Variants in SAMD15 observed in about 807,000 individuals in gnomAD.
The protein encoded by SAMD15 is sterile alpha motif domain containing 15.
In SAMD15, 37 loss-of-function variants were observed where a neutral mutation model predicts 50.5. The observed-to-expected ratio is 0.73, with a 90% CI of 0.56 to 0.96. The LOEUF is 0.96. Among genes scored for constraint, SAMD15 ranks in the 40% least tolerant of loss-of-function variants. SAMD15 has a pLI of 0.00. For synonymous variants in SAMD15, 255 were observed against 282.8 expected, an observed-to-expected ratio of 0.90 and a Z score of 0.99; for missense variants, 789 against 783.8, an observed-to-expected ratio of 1.01 and a Z score of -0.08.
chr14:77,380,739 T>C (rs1566700495), intron 2 of SAMD15, among the ~76,000 whole-genome samples: 1 of 152,316 alleles, frequency 6.6e-6, no homozygotes, highest in East Asian at 1.9e-4. Context: ...TATGGCCTCA[T>C]GCCTAGAACA....
At chr14:77,389,496 ATTTTT>A (rs768983521) in intron 2 of SAMD15, among the ~76,000 whole-genome samples, 4 of 111,652 alleles carry the variant, frequency 3.6e-5, no homozygotes, top group Non-Finnish European at 7.0e-5. Flanking sequence ...GGCAATCACA[ATTTTT>A]TTTTTTTTTT....
chr14:77,377,680 G>T lies in SAMD15; in HGVS notation c.262G>T (p.Ala88Ser), dbSNP rs1566698992. The change falls in exon 1 of 3, where the codon GCC becomes TCC. Residue 88 changes from alanine to serine, a missense_variant. Physicochemically the swap from Ala to Ser is moderately conservative, Grantham distance 99. Transcript: ENST00000216471. The part of the protein sequence containing the change: ...KPGGTSQEGI[A>S]KESKRDVPSE... ...TGGCGGGACGTCCCAGGAAGGAATT[G>T]CCAAGGAGTCCAAGAGAGACGTACC... 1.2e-6 allele frequency: 2 copies of T among 1,614,080 alleles called. No individual in the cohort carries two copies. The highest frequency in any genetic ancestry group is 1.7e-6 in the Non-Finnish European group (2 of 1,180,050).
chr14:77,380,188 A>G (rs953844820), intron 1 of SAMD15, among the ~76,000 whole-genome samples, 195 bp from the exon 2 acceptor site: 1 of 152,230 alleles, frequency 6.6e-6, no homozygotes, highest in Non-Finnish European at 1.5e-5. Flanking sequence ...TCGAGGCTGC[A>G]GTGATCTATG....
chr14:77,391,059 A>G lies in SAMD15; in HGVS notation c.1840A>G (p.Lys614Glu), dbSNP rs145050832. 6 of 1,613,986 alleles carry G rather than the reference A, an allele frequency of 3.7e-6. No homozygotes were observed. The African/African-American group carries it at 8.0e-5, about 22-fold the overall frequency. ...CCTGGAAATTGAAGAGCCATTATTC[A>G]AACGCTCCATCAGCCTTCCCTATAG... The part of the protein sequence containing the change: ...ELLEIEEPLF[K>E]RSISLPYRDI... The change falls in exon 3 of 3, where the codon AAA becomes GAA. Residue 614 changes from lysine (K) to glutamate (E), a missense_variant. By Grantham distance (56) the Lys-to-Glu change is moderately conservative (BLOSUM62 1). Around this residue, in one of 2 missense-constraint regions of SAMD15, gnomAD observed 770 missense variants for 745.4 expected, o/e 1.03. Transcript: ENST00000216471.
chr14:77,384,049 A>G (rs1217138222), intron 2 of SAMD15, among the ~76,000 whole-genome samples: 3 of 151,696 alleles, frequency 2.0e-5, no homozygotes, highest in Admixed American at 6.6e-5. Flanking sequence ...GAGGTCATAC[A>G]TGCTGTAGCT....
intron 2 of SAMD15, among the ~76,000 whole-genome samples, chr14:77,388,073 G>A (rs1228746009): frequency 1.3e-5 from 2 of 152,066 alleles, no homozygotes; most frequent in Non-Finnish European, 2.9e-5. Context: ...GAATGTGTAG[G>A]GAACACTTTT....
intron 2 of SAMD15, among the ~76,000 whole-genome samples, chr14:77,386,279 C>T (rs4903581): frequency 6.6e-6 from 1 of 152,072 alleles, no homozygotes; most frequent in African/African-American, 2.4e-5. Context: ...CAGAACAATT[C>T]TGTCACTCTA....
At position 77,378,726 on chromosome 14, in the gene SAMD15, C is replaced by T. The variant is rs766848681; in HGVS notation, c.1308C>T (p.Asn436=). 8 of 1,613,018 alleles carry T rather than the reference C, an allele frequency of 5.0e-6. No homozygotes were observed. Among genetic ancestry groups the T allele is most frequent in the Non-Finnish European group, 4.2e-6 (5 of 1,179,798 alleles). The part of the protein sequence containing the change: ...EPIKSKYSVG[N]DELEHREPKR... The stretch of plus-strand genomic sequence containing the variant: ...TAAAGTCTAAGTATTCTGTAGGAAA[C>T]GATGAGCTAGAGCACCGTGAGCCTA... Residue 436 remains asparagine, a synonymous_variant, in exon 1 of 3, where the codon AAC becomes AAT. Coordinates refer to ENST00000216471, the MANE Select transcript of SAMD15 (RefSeq NM_001010860.4).
intron 2 of SAMD15, among the ~76,000 whole-genome samples, chr14:77,383,220 A>C (rs906811133): frequency 6.6e-6 from 1 of 152,208 alleles, no homozygotes; most frequent in African/African-American, 2.4e-5. Flanking sequence ...TGACTTTCTT[A>C]ATAAACTTGC....
chr14:77,386,196 A>G (rs1231992664), intron 2 of SAMD15, among the ~76,000 whole-genome samples: 1 of 152,118 alleles, frequency 6.6e-6, no homozygotes, highest in Non-Finnish European at 1.5e-5. Flanking sequence ...CAGTAAAACC[A>G]TTCTTTGTTG....
chr14:77,386,580 T>C (rs1303448384), intron 2 of SAMD15, among the ~76,000 whole-genome samples: 1 of 152,072 alleles, frequency 6.6e-6, no homozygotes, highest in African/African-American at 2.4e-5. Context: ...AGTTTGAGGC[T>C]GCAGTGAGCT....
intron 2 of SAMD15, among the ~76,000 whole-genome samples, chr14:77,383,902 G>C (rs928272524): frequency 6.7e-6 from 1 of 150,226 alleles, no homozygotes; most frequent in African/African-American, 2.5e-5. Context: ...CCTGGGAGGC[G>C]GAGGTTATAG....
At chr14:77,384,411 C>A (rs146951056) in intron 2 of SAMD15, among the ~76,000 whole-genome samples, 7 of 152,040 alleles carry the variant, frequency 4.6e-5, no homozygotes, top group African/African-American at 1.7e-4. Context: ...ATTTAATTGT[C>A]CCCTTTCTCC....
Position 77,378,236 on chromosome 14 carries a change from G to C in SAMD15, c.818G>C (p.Ser273Thr). The change falls in exon 1 of 3, where the codon AGT becomes ACT. Residue 273 changes from serine to threonine, a missense_variant. This residue lies in a region of SAMD15 where 770 missense variants were observed against 745.4 expected (regional missense o/e 1.03). Transcript: ENST00000216471. ...EFLEKEPRKSSEEAGLEPPEE... is the reference protein window; with the variant it reads ...EFLEKEPRKSTEEAGLEPPEE... ...CTGGAGAAGGAACCAAGAAAGTCTA[G>C]TGAGGAGGCAGGTCTAGAGCCTCCA... is the stretch of plus-strand genomic sequence containing the variant. 2 of 1,613,934 alleles carry C rather than the reference G, an allele frequency of 1.2e-6. No homozygotes were observed. Among genetic ancestry groups the C allele is most frequent in the Non-Finnish European group, 1.7e-6 (2 of 1,179,956 alleles).
rs371567591 is a variant in SAMD15, at chr14:77,378,831, AAT to A, written c.1414_1415del (p.Ile472TrpfsTer5). On this transcript the variant is annotated frameshift_variant, in exon 1 of 3. Coordinates refer to ENST00000216471, the MANE Select transcript of SAMD15 (RefSeq NM_001010860.4). LOFTEE classifies it high-confidence loss of function. The part of the protein sequence containing the change: ...LGSLRESEES[I>X]GTHYEFLQPL... ...GATCTCTCAGAGAAAGTGAAGAATC[AAT>A]TGGTACACATTATGAGTTTTTGCAA... is the stretch of plus-strand genomic sequence containing the variant. 6.2e-7 allele frequency: 1 copy of A among 1,613,896 alleles called. No homozygotes were observed. Among genetic ancestry groups the A allele is most frequent in the African/African-American group, 1.3e-5 (1 of 75,048 alleles).
chr14:77,377,578 G>C lies in SAMD15; in HGVS notation c.160G>C (p.Glu54Gln). The C allele has an allele frequency of 6.2e-7, 1 of 1,614,126 alleles. No homozygotes were observed. The highest frequency in any genetic ancestry group is 1.1e-5 in the South Asian group (1 of 91,086). ...DSKLPAEIYQ[E>Q]PQPETEEEDF... is the part of the protein sequence containing the mutation. ...GAAGCTACCAGCAGAGATTTACCAA[G>C]AGCCACAGCCAGAGACCGAGGAAGA... The change falls in exon 1 of 3, where the codon GAG becomes CAG. Residue 54 changes from glutamate to glutamine, a missense_variant. Around this residue, in one of 2 missense-constraint regions of SAMD15, gnomAD observed 770 missense variants for 745.4 expected, o/e 1.03. Transcript: ENST00000216471.
chr14:77,385,767 C>A (rs998736378), intron 2 of SAMD15, among the ~76,000 whole-genome samples: 2 of 152,012 alleles, frequency 1.3e-5, no homozygotes, highest in Admixed American at 1.3e-4. Flanking sequence ...TTCCCCACCC[C>A]CTTCAGTGAG....
At chr14:77,388,382 CGTGTGTGTGTGTGTGTGTGTGTGTGT>C (rs376913427) in intron 2 of SAMD15, among the ~76,000 whole-genome samples, 4 of 133,068 alleles carry the variant, frequency 3.0e-5, no homozygotes, top group African/African-American at 1.2e-4. Flanking sequence ...GCCACCTGTT[CGTGTGTGTGTGTGTGTGTGTGTGTGT>C]GTGTGTGTGT....
Position 77,391,328 on chromosome 14 carries a change from C to CT in SAMD15, c.*84_*85insT. ...TGGTCTTTTTTGGTTTTCTTTTTCT[C>CT]CTTTTTTTTTTTTTTATTTTTTTGA... On this transcript the variant is annotated 3_prime_UTR_variant, in exon 3 of 3. Transcript: ENST00000216471. 1 of 879,452 alleles carries CT rather than the reference C, an allele frequency of 1.1e-6. No individual in the cohort carries two copies. Among genetic ancestry groups the CT allele is most frequent in the South Asian group, 1.7e-5 (1 of 57,828 alleles). The allele number at this position is 879,452 out of a possible 1,614,324, so 54.5% of individuals were successfully genotyped here.
Sources: allele counts gnomAD v4.1 joint callset (sites outside exome capture counted in the v4.1 genomes callset), GRCh38; gene constraint gnomAD v4.1.1; regional missense constraint gnomAD v4.1.1; transcripts MANE v1.5; gene names NCBI Gene and HGNC (gene_info 2026-07-23, HGNC 2026-07-21).